The following TTC39C variants were observed in gnomAD, a reference collection of about 807,000 sequenced individuals.
The protein encoded by TTC39C is tetratricopeptide repeat domain 39C.
TTC39C carries 33 observed loss-of-function variants against 76.3 expected under a neutral mutation model. The ratio of observed to expected loss-of-function variants is 0.43; its 90% CI spans 0.33 to 0.58. TTC39C has a LOEUF of 0.58. Among genes scored for constraint, TTC39C ranks in the 20% least tolerant of loss-of-function variants. The pLI, the probability that TTC39C is intolerant of heterozygous loss-of-function variation, is 0.04. For missense variants in TTC39C, 595 were observed against 701.4 expected (o/e 0.85, Z 1.71); for synonymous variants, 254 against 260.6 (o/e 0.97, Z 0.24).
intron 2 of TTC39C, among the ~76,000 whole-genome samples, chr18:24,065,260 G>A (rs1249840786): frequency 2.6e-5 from 4 of 152,212 alleles, no homozygotes; most frequent in African/African-American, 9.7e-5. Flanking sequence ...GGAGCTGGTG[G>A]AATTTGATAG....
chr18:24,000,454 A>G (rs561610440), intron 1 of TTC39C: 1 of 152,380 alleles, frequency 6.6e-6, no homozygotes, highest in East Asian at 1.9e-4. Context: ...CACCCTGCCC[A>G]CAGCTTGATT....
At chr18:24,002,213 T>C (rs1377941877) in intron 1 of TTC39C, among the ~76,000 whole-genome samples, 2 of 152,076 alleles carry the variant, frequency 1.3e-5, no homozygotes, top group Non-Finnish European at 2.9e-5. Context: ...GGCTCTAGGA[T>C]TCCCAGGTGA....
chr18:24,021,298 C>T (rs1020900957), intron 1 of TTC39C, among the ~76,000 whole-genome samples: 6 of 152,188 alleles, frequency 3.9e-5, no homozygotes, highest in Non-Finnish European at 7.3e-5. Flanking sequence ...AGCACGTCCT[C>T]TCCTCCCAAC....
intron 7 of TTC39C, 42 bp downstream of exon 7, chr18:24,114,689 TATTAATGC>T: frequency 6.8e-7 from 1 of 1,471,928 alleles, no homozygotes; most frequent in South Asian, 1.1e-5. Flanking sequence ...TAAGAAGTAG[TATTAATGC>T]AGTATTTTAG....
At chr18:24,088,813 C>G (rs1041268842) in intron 6 of TTC39C, among the ~76,000 whole-genome samples, 1 of 152,172 alleles carries the variant, frequency 6.6e-6, no homozygotes, top group South Asian at 2.1e-4. Context: ...GTTCTTCCCC[C>G]TCATTTTCAA....
upstream of TTC39C, chr18:24,012,926 T>G (rs895886943): frequency 6.6e-6 from 1 of 151,908 alleles, no homozygotes; most frequent in Admixed American, 6.6e-5. Flanking sequence ...CCTCTGTAAC[T>G]TGGGATCTGG....
chr18:24,102,734 G>A (rs1003923006), intron 6 of TTC39C, among the ~76,000 whole-genome samples: 28 of 152,186 alleles, frequency 1.8e-4, no homozygotes, highest in Admixed American at 9.8e-4. Context: ...CAGGCACAGG[G>A]TTAAGAGCAC....
intron 1 of TTC39C, among the ~76,000 whole-genome samples, chr18:24,006,146 GGGACTACAGGT>G (rs2083350410): frequency 6.6e-6 from 1 of 151,882 alleles, no homozygotes; most frequent in Non-Finnish European, 1.5e-5. Context: ...CCAAGGAGCT[GGGACTACAGGT>G]GTATACCATC....
chr18:23,996,925 T>C (rs551771642), intron 1 of TTC39C, among the ~76,000 whole-genome samples: 15 of 151,658 alleles, frequency 9.9e-5, no homozygotes, highest in East Asian at 5.9e-4. Context: ...CTGGCTAACA[T>C]AGTGAAACCC....
chr18:24,102,198 C>T (rs770321107), intron 6 of TTC39C, among the ~76,000 whole-genome samples: 7 of 152,268 alleles, frequency 4.6e-5, no homozygotes, highest in South Asian at 2.1e-4. Flanking sequence ...AAGCACTTTC[C>T]GTCACAAATG....
intron 6 of TTC39C, among the ~76,000 whole-genome samples, chr18:24,095,433 T>G (rs1222091135): frequency 6.6e-6 from 1 of 152,258 alleles, no homozygotes; most frequent in Non-Finnish European, 1.5e-5. Context: ...GCGCAGTGGT[T>G]CATGCCTGTA....
chr18:24,011,614 T>C (rs1411741119), upstream of TTC39C, among the ~76,000 whole-genome samples: 1 of 152,166 alleles, frequency 6.6e-6, no homozygotes, highest in Non-Finnish European at 1.5e-5. Flanking sequence ...TTGGGTCAGG[T>C]TTTTCTGTCA....
chr18:24,114,442 T>C (rs2145809425), intron 6 of TTC39C, 112 bp from the exon 7 acceptor site: 2 of 788,940 alleles, frequency 2.5e-6, no homozygotes, highest in Admixed American at 2.3e-5. Context: ...GTCTTCTATA[T>C]TGCTTAACCT....
intron 4 of TTC39C, among the ~76,000 whole-genome samples, 159 bp from the exon 5 acceptor site, chr18:24,080,426 G>A: frequency 6.6e-6 from 1 of 152,140 alleles, no homozygotes; most frequent in East Asian, 1.9e-4. Context: ...AGACATTTAA[G>A]TAAGCACTAT....
At chr18:24,110,355 C>T (rs943506416) in intron 6 of TTC39C, among the ~76,000 whole-genome samples, 1 of 152,218 alleles carries the variant, frequency 6.6e-6, no homozygotes, top group South Asian at 2.1e-4. Context: ...TCATTAAAGA[C>T]AGCAATGCAG....
intron 11 of TTC39C, 40 bp from the exon 12 acceptor site, chr18:24,130,273 G>A: frequency 8.7e-7 from 1 of 1,152,342 alleles, no homozygotes; most frequent in East Asian, 2.8e-5. Context: ...ATGCTAAGTA[G>A]GAAAATGAAT....
intron 1 of TTC39C, among the ~76,000 whole-genome samples, chr18:24,015,768 T>G (rs1337424057): frequency 3.3e-5 from 5 of 152,230 alleles, no homozygotes; most frequent in Non-Finnish European, 2.9e-5. Flanking sequence ...GGAAAACACG[T>G]GTGTTCAGTT....
intron 1 of TTC39C, among the ~76,000 whole-genome samples, chr18:24,027,120 C>T (rs1428520121): frequency 2.0e-5 from 3 of 151,940 alleles, no homozygotes; most frequent in Non-Finnish European, 2.9e-5. Context: ...GGTGAAACCC[C>T]GTCTCTACTA....
intron 1 of TTC39C, among the ~76,000 whole-genome samples, chr18:24,054,138 G>A (rs964370640): frequency 6.6e-6 from 1 of 152,152 alleles, no homozygotes; most frequent in African/African-American, 2.4e-5. Context: ...CCTCATATAA[G>A]TGAGGACTGT....
Sources: gnomAD v4.1 joint callset for allele counts (sites outside exome capture counted in the v4.1 genomes callset) on GRCh38, gnomAD v4.1.1 for gene constraint, MANE v1.5 for transcripts, NCBI Gene and HGNC (gene_info 2026-07-23, HGNC 2026-07-21) for gene names.